The following HMCN1 variants were observed in gnomAD, a reference collection of about 807,000 sequenced individuals.
HMCN1 encodes hemicentin-1.
Under a neutral mutation model 625.9 loss-of-function variants are expected in HMCN1, and 321 were observed. The ratio of observed to expected loss-of-function variants is 0.51; its 90% CI spans 0.47 to 0.56. The LOEUF (loss-of-function observed/expected upper bound fraction) is 0.56. HMCN1 is among the 20% of genes least tolerant of loss of function. HMCN1 has a pLI of 0.00. For missense variants in HMCN1, 6,588 were observed against 6,887.3 expected (o/e 0.96, Z 1.54); for synonymous variants, 2,425 against 2,417.6 (o/e 1.00, Z -0.09).
intron 10 of HMCN1, among the ~76,000 whole-genome samples, chr1:185,930,190 A>C (rs1667472231): frequency 6.6e-6 from 1 of 152,190 alleles, no homozygotes; most frequent in Non-Finnish European, 1.5e-5. Flanking sequence ...TACTGTGCCC[A>C]AGCTGATTTT....
At chr1:185,891,500 G>A (rs975282988) in intron 4 of HMCN1, among the ~76,000 whole-genome samples, 2 of 147,808 alleles carry the variant, frequency 1.4e-5, no homozygotes. Context: ...TTTTAGGGCA[G>A]GCCTGGTCGT....
At chr1:185,856,854 C>A (rs908967874) in intron 2 of HMCN1, among the ~76,000 whole-genome samples, 12 of 152,124 alleles carry the variant, frequency 7.9e-5, no homozygotes, top group Non-Finnish European at 1.5e-4. Context: ...AATGATAAGG[C>A]ATGGGAGCAT....
chr1:186,185,792 A>G (rs1183283467), intron 105 of HMCN1, among the ~76,000 whole-genome samples: 1 of 152,188 alleles, frequency 6.6e-6, no homozygotes. Flanking sequence ...TCGTAGTAAC[A>G]CTGTTCTCAG....
chr1:185,759,041 G>A (rs939636726), intron 1 of HMCN1, among the ~76,000 whole-genome samples: 84 of 152,168 alleles, frequency 5.5e-4, no homozygotes, highest in African/African-American at 1.9e-3. Context: ...GATGGTTGAA[G>A]ATTTAGAAGC....
In HMCN1 at chr1:185,994,851, A is replaced by G. The variant is rs1181165497; in HGVS notation, c.3542A>G (p.Lys1181Arg). The G allele has an allele frequency of 3.1e-6, 5 of 1,613,528 alleles. No homozygotes were observed. The highest frequency in any genetic ancestry group is 4.2e-6 in the Non-Finnish European group (5 of 1,179,638). The change falls in exon 24 of 107, where the codon AAA (lysine) becomes AGA (arginine). Residue 1181 changes from lysine (K) to arginine (R), a missense_variant. Lys to Arg is a conservative substitution (Grantham distance 26, BLOSUM62 2). Coordinates refer to ENST00000271588, the MANE Select transcript of HMCN1 (RefSeq NM_031935.3). ...ATACAGCGTGGACCTAAACATCTCA[A>G]AGTCCAAGTTGGTCAAAGAGTGGAT... ...PKIQRGPKHLKVQVGQRVDIP... is the reference protein window; with the variant it reads ...PKIQRGPKHLRVQVGQRVDIP...
intron 1 of HMCN1, among the ~76,000 whole-genome samples, chr1:185,833,048 T>C (rs1443087565): frequency 6.6e-6 from 1 of 152,218 alleles, no homozygotes; most frequent in Non-Finnish European, 1.5e-5. Flanking sequence ...CTTATTTCTA[T>C]AGTAGCATTT....
At chr1:186,138,022 C>T (rs769149760) in intron 89 of HMCN1, 50 bp downstream of exon 89, 6 of 1,592,810 alleles carry the variant, frequency 3.8e-6, no homozygotes, top group East Asian at 2.3e-5. Context: ...TCTATCTTAA[C>T]CCCTATGAAA....
At chr1:185,775,961 A>T (rs1571333310) in intron 1 of HMCN1, among the ~76,000 whole-genome samples, 1 of 152,318 alleles carries the variant, frequency 6.6e-6, no homozygotes, top group African/African-American at 2.4e-5. Context: ...AGCAGGCTGT[A>T]TAGAAAAGTG....
rs771351174 is a variant in HMCN1 at position 185,990,429 on chromosome 1, A to C, written c.3363A>C (p.Ser1121=). The C allele has an allele frequency of 6.2e-7, 1 of 1,613,742 alleles. No homozygotes were observed. Among genetic ancestry groups the C allele is most frequent in the East Asian group, 2.2e-5 (1 of 44,850 alleles). ...GGGCCAAAGAAACCCAGCTCATCTC[A>C]CCGTTCTCTCCAAGGTAGGAGATCT... ...ITWAKETQLI[S]PFSPRHTFLP... is the part of the protein sequence containing the mutation. The change falls in exon 22 of 107, where the codon TCA becomes TCC. Residue 1121 remains serine (S), a synonymous_variant. Transcript: ENST00000271588.
intron 52 of HMCN1, among the ~76,000 whole-genome samples, chr1:186,074,098 G>A (rs1374061221): frequency 1.3e-5 from 2 of 151,902 alleles, no homozygotes; most frequent in East Asian, 3.9e-4. Context: ...CAATGAATGA[G>A]GGGGAATTTA....
Position 186,113,967 on chromosome 1 carries a change from T to A in HMCN1, c.11132-12T>A, listed in dbSNP as rs1045942228. The stretch of plus-strand genomic sequence containing the variant: ...GTCTCACTGAATTTTTTCATGTGTA[T>A]CTCTTGTTCAGTTCCTCCAAACATA... On this transcript the variant is annotated splice_polypyrimidine_tract_variant and intron_variant, in intron 72 of 106. Transcript: ENST00000271588. The A allele has an allele frequency of 3.1e-6, 5 of 1,613,934 alleles. No homozygotes were observed. Among genetic ancestry groups the A allele is most frequent in the Non-Finnish European group, 4.2e-6 (5 of 1,179,918 alleles).
At chr1:185,969,336 A>C (rs1411926874) in intron 14 of HMCN1, among the ~76,000 whole-genome samples, 3 of 149,932 alleles carry the variant, frequency 2.0e-5, no homozygotes, top group Non-Finnish European at 4.4e-5. Flanking sequence ...CATTTTAGGC[A>C]CTGACGGTTG....
chr1:185,871,028 G>A (rs1470340085), intron 4 of HMCN1, among the ~76,000 whole-genome samples: 1 of 151,920 alleles, frequency 6.6e-6, no homozygotes, highest in East Asian at 1.9e-4. Context: ...TCAAGAGATC[G>A]AGACCATCCT....
At position 185,822,204 on chromosome 1, in the gene HMCN1, G is replaced by A. The variant is rs150010549; in HGVS notation, c.269-23822G>A. 6.6e-5 allele frequency among the ~76,000 whole-genome samples: 10 copies of A among 152,176 alleles called. No individual in the cohort carries two copies. In the East Asian group the frequency reaches 1.9e-3, roughly 29 times the overall value. ...AGGGGGAGCCCTAAGGAAAACAATAGACTAGTTGATAATGATGTGTCAATG... is the reference window on the plus strand; with the variant it reads ...AGGGGGAGCCCTAAGGAAAACAATAAACTAGTTGATAATGATGTGTCAATG... On this transcript the variant is annotated intron_variant, in intron 1 of 106. Coordinates refer to ENST00000271588, the MANE Select transcript of HMCN1 (RefSeq NM_031935.3).
intron 80 of HMCN1, among the ~76,000 whole-genome samples, chr1:186,121,104 T>C (rs1461636488): frequency 6.6e-6 from 1 of 152,126 alleles, no homozygotes; most frequent in Non-Finnish European, 1.5e-5. Context: ...GAGGACAGCA[T>C]GTACAGTGAC....
At chr1:186,063,014 G>T in intron 48 of HMCN1, among the ~76,000 whole-genome samples, 1 of 137,588 alleles carries the variant, frequency 7.3e-6, no homozygotes, top group Non-Finnish European at 1.5e-5. Flanking sequence ...TCTTTTTATG[G>T]ATAGGTAGTA....
chr1:186,088,142 C>T lies in HMCN1; in HGVS notation c.9446-3C>T. ...TGTTTGTTTGTTTGTTTGTTTTTTA[C>T]AGTGCCACCCAGTATTGAAGGACCT... On this transcript the variant is annotated splice_region_variant and splice_polypyrimidine_tract_variant and intron_variant, in intron 61 of 106. Transcript: ENST00000271588. 1 of 1,604,456 alleles carries T rather than the reference C, an allele frequency of 6.2e-7. No homozygotes were observed. The highest frequency in any genetic ancestry group is 8.5e-7 in the Non-Finnish European group (1 of 1,174,490).
In HMCN1 at chr1:186,041,877, C is replaced by A. The variant is rs559819056; in HGVS notation, c.6304+741C>A. On this transcript the variant is annotated intron_variant, in intron 40 of 106. Transcript: ENST00000271588. ...GTTTCTGTTTAATGCAGAATGCAAGCCTTCTCCTTAAAGTCCTACCTCACT... is the reference window on the plus strand; with the variant it reads ...GTTTCTGTTTAATGCAGAATGCAAGACTTCTCCTTAAAGTCCTACCTCACT... Among the ~76,000 whole-genome samples, 15 of 152,188 alleles carry A rather than the reference C, an allele frequency of 9.9e-5. No individual in the cohort carries two copies. In the East Asian group the frequency reaches 2.7e-3, roughly 27 times the overall value.
At chr1:185,924,038 C>T (rs756614353) in intron 8 of HMCN1, among the ~76,000 whole-genome samples, 1 of 152,042 alleles carries the variant, frequency 6.6e-6, no homozygotes, top group Non-Finnish European at 1.5e-5. Flanking sequence ...TCATAGTAAA[C>T]AACAGGTGAT....
Sources: allele counts gnomAD v4.1 joint callset (sites outside exome capture counted in the v4.1 genomes callset), GRCh38; gene constraint gnomAD v4.1.1; transcripts MANE v1.5; gene names NCBI Gene and HGNC (gene_info 2026-07-23, HGNC 2026-07-21).